The following PTPRT variants were observed in gnomAD, a reference collection of about 807,000 sequenced individuals.
PTPRT encodes the protein receptor-type tyrosine-protein phosphatase T.
A neutral mutation model predicts 176.8 loss-of-function variants in PTPRT; 56 were observed. The ratio of observed to expected loss-of-function variants is 0.32; its 90% CI spans 0.26 to 0.40. The LOEUF (loss-of-function observed/expected upper bound fraction) is 0.40, where lower values mean the gene tolerates loss of function less well. PTPRT is among the 10% of genes least tolerant of loss of function. The pLI, the probability that PTPRT is intolerant of heterozygous loss-of-function variation, is 1.00. For synonymous variants in PTPRT, 783 were observed against 739.0 expected, an observed-to-expected ratio of 1.06 and a Z score of -0.96; for missense variants, 1,540 against 1,908.2, an observed-to-expected ratio of 0.81 and a Z score of 3.60.
chr20:42,907,194 C>T (rs1196992114), intron 1 of PTPRT, among the ~76,000 whole-genome samples: 5 of 151,908 alleles, frequency 3.3e-5, no homozygotes, highest in Non-Finnish European at 7.4e-5. Context: ...TGAAAGAACC[C>T]GAAGAACGCT....
chr20:42,546,797 T>C (rs535438542), intron 7 of PTPRT, among the ~76,000 whole-genome samples: 9 of 152,276 alleles, frequency 5.9e-5, no homozygotes, highest in Admixed American at 2.6e-4. Context: ...GACAGGAGAA[T>C]GGATGGTCAG....
intron 9 of PTPRT, among the ~76,000 whole-genome samples, chr20:42,363,292 A>ATT (rs2058462239): frequency 3.9e-5 from 1 of 25,466 alleles, no homozygotes; most frequent in African/African-American, 1.8e-4. Context: ...ATATATATAT[A>ATT]TATATATATT....
intron 1 of PTPRT, among the ~76,000 whole-genome samples, chr20:42,886,143 C>G (rs928144687): frequency 6.6e-6 from 1 of 151,838 alleles, no homozygotes; most frequent in Non-Finnish European, 1.5e-5. Context: ...TGCAGGCCTC[C>G]GTATTTAAAA....
At chr20:42,387,853 G>A (rs1021105282) in intron 9 of PTPRT, among the ~76,000 whole-genome samples, 9 of 149,702 alleles carry the variant, frequency 6.0e-5, no homozygotes, top group African/African-American at 1.7e-4. Flanking sequence ...GTGCAATGGC[G>A]CAATCTTGGC....
At chr20:42,175,979 A>G (rs575677510) in intron 16 of PTPRT, among the ~76,000 whole-genome samples, 1 of 152,324 alleles carries the variant, frequency 6.6e-6, no homozygotes, top group African/African-American at 2.4e-5. Flanking sequence ...TCCTAACAGT[A>G]TCATTTTCAT....
At chr20:42,652,808 G>T (rs1600553033) in intron 7 of PTPRT, among the ~76,000 whole-genome samples, 1 of 152,134 alleles carries the variant, frequency 6.6e-6, no homozygotes, top group South Asian at 2.1e-4. Context: ...CATATGAGGT[G>T]CATGTGGTAG....
the PTPRT span, among the ~76,000 whole-genome samples, chr20:42,043,154 G>C: frequency 6.6e-6 from 1 of 152,194 alleles, no homozygotes; most frequent in Non-Finnish European, 1.5e-5. Context: ...CCTGGGGAAT[G>C]TACAAAACAT....
intron 9 of PTPRT, among the ~76,000 whole-genome samples, chr20:42,405,579 A>T (rs1308561212): frequency 2.0e-5 from 3 of 152,136 alleles, no homozygotes; most frequent in Non-Finnish European, 4.4e-5. Context: ...CATTTTCTTA[A>T]TCCAGTCTAT....
intron 3 of PTPRT, among the ~76,000 whole-genome samples, chr20:42,790,766 A>G (rs1418702521): frequency 6.6e-6 from 1 of 152,092 alleles, no homozygotes; most frequent in African/African-American, 2.4e-5. Flanking sequence ...CTTACAAACC[A>G]TCCTAATTGC....
chr20:42,686,796 G>C (rs1022979037), intron 6 of PTPRT, among the ~76,000 whole-genome samples: 9 of 152,022 alleles, frequency 5.9e-5, no homozygotes, highest in African/African-American at 1.9e-4. Flanking sequence ...TCAGCCCATA[G>C]TGCACTCTTT....
rs564156992 is a variant in PTPRT, at chr20:42,622,205, T to A, written c.1153+55661A>T. On this transcript the variant is annotated intron_variant, in intron 7 of 30. Coordinates refer to ENST00000373187, the MANE Select transcript of PTPRT (RefSeq NM_007050.6). ...GGTATGACATTGATTTGTGTAATGC[T>A]AGCTTTGGAGTACATGTAGCTTTTT... is the stretch of plus-strand genomic sequence containing the variant. 7.2e-5 allele frequency among the ~76,000 whole-genome samples: 11 copies of A among 152,270 alleles called. 1 individual carries two copies. In the South Asian group the frequency reaches 2.3e-3, roughly 32 times the overall value.
intron 2 of PTPRT, among the ~76,000 whole-genome samples, chr20:42,797,404 G>A (rs1026345065): frequency 6.6e-5 from 10 of 152,034 alleles, no homozygotes; most frequent in African/African-American, 1.4e-4. Flanking sequence ...ACATGTTCTC[G>A]ACTTCCATTG....
At chr20:42,795,984 T>C (rs2077448498) in intron 2 of PTPRT, among the ~76,000 whole-genome samples, 1 of 152,268 alleles carries the variant, frequency 6.6e-6, no homozygotes, top group Admixed American at 6.5e-5. Flanking sequence ...GAACTTATTA[T>C]GTGCCAGGCA....
At chr20:42,786,510 C>G (rs1194990232) in intron 3 of PTPRT, among the ~76,000 whole-genome samples, 1 of 152,150 alleles carries the variant, frequency 6.6e-6, no homozygotes, top group Non-Finnish European at 1.5e-5. Flanking sequence ...GCTTCCTACG[C>G]TGGAAGATAG....
chr20:42,133,962 C>T (rs915456502), intron 18 of PTPRT, among the ~76,000 whole-genome samples: 1 of 152,208 alleles, frequency 6.6e-6, no homozygotes, highest in African/African-American at 2.4e-5. Flanking sequence ...AAACTTGGTG[C>T]TCTCCACTTG....
intron 7 of PTPRT, among the ~76,000 whole-genome samples, chr20:42,646,215 C>T (rs1472993740): frequency 6.6e-6 from 1 of 152,044 alleles, no homozygotes; most frequent in Non-Finnish European, 1.5e-5. Context: ...CCAGGGGACC[C>T]ACGGCCAAGG....
intron 1 of PTPRT, among the ~76,000 whole-genome samples, chr20:42,933,519 T>C (rs187124417): frequency 1.3e-5 from 2 of 152,304 alleles, no homozygotes; most frequent in African/African-American, 2.4e-5. Flanking sequence ...CAGTGAGTGT[T>C]TCCTGGTCTA....
intron 1 of PTPRT, among the ~76,000 whole-genome samples, chr20:42,902,324 A>T (rs2079416709): frequency 6.6e-6 from 1 of 152,178 alleles, no homozygotes; most frequent in Non-Finnish European, 1.5e-5. Flanking sequence ...TGATGGCTCA[A>T]GGTCAGTAGA....
At chr20:42,904,234 A>C (rs2079445705) in intron 1 of PTPRT, among the ~76,000 whole-genome samples, 2 of 152,172 alleles carry the variant, frequency 1.3e-5, no homozygotes, top group African/African-American at 4.8e-5. Flanking sequence ...CTATGAGAGC[A>C]GCCTCTGCCA....
Sources: allele counts gnomAD v4.1 joint callset (sites outside exome capture counted in the v4.1 genomes callset), GRCh38; gene constraint gnomAD v4.1.1; transcripts MANE v1.5; gene names NCBI Gene and HGNC (gene_info 2026-07-23, HGNC 2026-07-21).